Variants in CCSER1 observed in about 807,000 individuals in gnomAD.
The protein encoded by CCSER1 is serine-rich coiled-coil domain-containing protein 1.
CCSER1 carries 41 observed loss-of-function variants against 82.0 expected under a neutral mutation model. The ratio of observed to expected loss-of-function variants is 0.50; its 90% CI spans 0.39 to 0.65. The LOEUF (loss-of-function observed/expected upper bound fraction) is 0.65, where lower values mean the gene tolerates loss of function less well. CCSER1 is among the 30% of genes least tolerant of loss of function. CCSER1 has a pLI of 0.00. For missense variants in CCSER1, 1,119 were observed against 1,064.2 expected (o/e 1.05, Z -0.72); for synonymous variants, 414 against 383.9 (o/e 1.08, Z -0.92).
chr4:90,913,215 A>T (rs1202413849), intron 8 of CCSER1, among the ~76,000 whole-genome samples: 1 of 152,132 alleles, frequency 6.6e-6, no homozygotes, highest in Non-Finnish European at 1.5e-5. Flanking sequence ...GAAGGAAAAA[A>T]TGTTGATGTT....
intron 10 of CCSER1, among the ~76,000 whole-genome samples, chr4:91,377,239 A>G (rs1750492012): frequency 6.6e-6 from 1 of 152,178 alleles, no homozygotes; most frequent in Non-Finnish European, 1.5e-5. Context: ...TAGCAGGATG[A>G]CTTATAATCC....
At chr4:91,121,414 G>A (rs915729601) in intron 10 of CCSER1, among the ~76,000 whole-genome samples, 9 of 151,626 alleles carry the variant, frequency 5.9e-5, no homozygotes, top group African/African-American at 2.2e-4. Context: ...ACTGTGTAAG[G>A]AAAAGAAGTT....
intron 8 of CCSER1, among the ~76,000 whole-genome samples, chr4:90,892,728 A>G (rs1580962041): frequency 6.6e-6 from 1 of 152,214 alleles, no homozygotes; most frequent in East Asian, 1.9e-4. Flanking sequence ...AAAAATACAT[A>G]TATAATCACT....
chr4:91,458,308 T>G (rs963392553), intron 10 of CCSER1, among the ~76,000 whole-genome samples: 2 of 152,144 alleles, frequency 1.3e-5, no homozygotes, highest in African/African-American at 2.4e-5. Context: ...TTGGTTCCTT[T>G]GTTGAAAATG....
chr4:91,557,860 G>C (rs1762475100), intron 10 of CCSER1, among the ~76,000 whole-genome samples: 1 of 151,144 alleles, frequency 6.6e-6, no homozygotes, highest in Non-Finnish European at 1.5e-5. Flanking sequence ...AAAGTTTTTA[G>C]ATTTCATATT....
intron 10 of CCSER1, among the ~76,000 whole-genome samples, chr4:91,264,098 C>A (rs1741391836): frequency 6.6e-6 from 1 of 151,406 alleles, no homozygotes; most frequent in Non-Finnish European, 1.5e-5. Context: ...TTTAACAAAC[C>A]AGGATGAAAC....
At position 90,460,499 on chromosome 4, in the gene CCSER1, C is replaced by T. The variant is rs527857381; in HGVS notation, c.1604-7735C>T. Among the ~76,000 whole-genome samples, 3 of 151,928 alleles carry T rather than the reference C, an allele frequency of 2.0e-5. No individual in the cohort carries two copies. In the East Asian group the frequency reaches 5.8e-4, roughly 29 times the overall value. ...CAGAATTTGGGTGATATGAGGTAAGCCTGACCAAATTTAATATTTTCATTT... is the reference window on the plus strand; with the variant it reads ...CAGAATTTGGGTGATATGAGGTAAGTCTGACCAAATTTAATATTTTCATTT... On this transcript the variant is annotated intron_variant, in intron 4 of 10. Transcript: ENST00000509176.
chr4:91,596,416 A>AT (rs948378387), intron 10 of CCSER1, among the ~76,000 whole-genome samples: 1 of 151,962 alleles, frequency 6.6e-6, no homozygotes, highest in Non-Finnish European at 1.5e-5. Context: ...TTCATCCCCA[A>AT]TTTTTTCCAC....
intron 10 of CCSER1, 58 bp downstream of exon 10, chr4:91,086,052 A>G (rs1240275199): frequency 9.8e-7 from 1 of 1,016,994 alleles, no homozygotes; most frequent in African/African-American, 1.6e-5. Flanking sequence ...ATGGTGTTGC[A>G]GTGATGTGGT....
At chr4:91,555,911 A>T (rs762644915) in intron 10 of CCSER1, among the ~76,000 whole-genome samples, 14 of 151,264 alleles carry the variant, frequency 9.3e-5, no homozygotes, top group Non-Finnish European at 1.9e-4. Flanking sequence ...AGAAATAGAA[A>T]GCTGAGATGT....
intron 8 of CCSER1, among the ~76,000 whole-genome samples, chr4:90,834,501 G>C (rs1196078146): frequency 2.6e-5 from 4 of 152,136 alleles, no homozygotes; most frequent in Non-Finnish European, 5.9e-5. Flanking sequence ...TCTATTCTAA[G>C]AGTAGTAGTG....
chr4:91,172,823 G>A (rs901938254), intron 10 of CCSER1, among the ~76,000 whole-genome samples: 3 of 85,040 alleles, frequency 3.5e-5, no homozygotes, highest in Non-Finnish European at 8.5e-5. Flanking sequence ...TAAATAAACT[G>A]TGTTAATGTA....
intron 10 of CCSER1, among the ~76,000 whole-genome samples, chr4:91,480,175 C>T (rs1263917400): frequency 6.6e-6 from 1 of 151,698 alleles, no homozygotes; most frequent in Non-Finnish European, 1.5e-5. Context: ...CAAGTCTTTG[C>T]TATTGTGAAT....
chr4:91,044,560 A>G (rs759422013), intron 9 of CCSER1, among the ~76,000 whole-genome samples: 31 of 152,260 alleles, frequency 2.0e-4, no homozygotes, highest in East Asian at 5.8e-4. Flanking sequence ...CACTATCCCA[A>G]TACATTTTAA....
At chr4:90,601,045 A>T (rs758019575) in intron 5 of CCSER1, among the ~76,000 whole-genome samples, 1 of 152,034 alleles carries the variant, frequency 6.6e-6, no homozygotes, top group African/African-American at 2.4e-5. Flanking sequence ...TCGTTAAATA[A>T]CTTATTAGTT....
Position 91,598,954 on chromosome 4 carries a change from C to A in CCSER1, c.2600C>A (p.Pro867His). ...TTTACAGGCAGGTTTGGACAGCCAC[C>A]CAGAGGGCCAATCTCTTTACACATG... is the stretch of plus-strand genomic sequence containing the variant. ...STFTGRFGQP[P>H]RGPISLHMYS... The change falls in exon 11 of 11, where the codon CCC becomes CAC. Residue 867 changes from proline to histidine, a missense_variant. By Grantham distance (77) the Pro-to-His change is moderately conservative. Transcript: ENST00000509176. 6.4e-7 allele frequency: 1 copy of A among 1,551,554 alleles called. No individual in the cohort carries two copies. Among genetic ancestry groups the A allele is most frequent in the Non-Finnish European group, 8.7e-7 (1 of 1,146,912 alleles).
intron 5 of CCSER1, among the ~76,000 whole-genome samples, chr4:90,494,100 G>A (rs1578791793): frequency 6.6e-6 from 1 of 152,134 alleles, no homozygotes. Flanking sequence ...ACAAAAAAAG[G>A]CAGGGGTTGC....
chr4:90,424,159 G>T (rs1382724731), intron 4 of CCSER1, among the ~76,000 whole-genome samples: 1 of 145,232 alleles, frequency 6.9e-6, no homozygotes, highest in Non-Finnish European at 1.5e-5. Flanking sequence ...TGTTAATAAG[G>T]TGTTTTAGCA....
At chr4:91,057,614 G>A (rs1424136879) in intron 9 of CCSER1, among the ~76,000 whole-genome samples, 3 of 152,036 alleles carry the variant, frequency 2.0e-5, no homozygotes, top group East Asian at 1.9e-4. Flanking sequence ...CTGCTCTTTC[G>A]TTAATGTTTG....
Sources: gnomAD v4.1 joint callset for allele counts (sites outside exome capture counted in the v4.1 genomes callset) on GRCh38, gnomAD v4.1.1 for gene constraint, MANE v1.5 for transcripts, NCBI Gene and HGNC (gene_info 2026-07-23, HGNC 2026-07-21) for gene names.